ERI1: variants seen among roughly 807,000 people sequenced by gnomAD.
The protein encoded by ERI1 is 3'-5' exoribonuclease 1.
A neutral mutation model predicts 39.7 loss-of-function variants in ERI1; 39 were observed. That is an observed-to-expected ratio of 0.98 (90% CI 0.76 to 1.28). The LOEUF is 1.28. Among genes scored for constraint, ERI1 ranks in the 50% most tolerant of loss-of-function variants. The probability of loss-of-function intolerance (pLI) is 0.00; values close to 1 mark genes in which losing one functional copy is unlikely to be tolerated. For missense variants in ERI1, 581 were observed against 416.9 expected, an observed-to-expected ratio of 1.39 and a Z score of -3.43; for synonymous variants, 204 against 149.6, an observed-to-expected ratio of 1.36 and a Z score of -2.65.
intron 6 of ERI1, among the ~76,000 whole-genome samples, chr8:9,025,412 G>C (rs1423311142): frequency 1.3e-5 from 2 of 152,232 alleles, no homozygotes; most frequent in Non-Finnish European, 2.9e-5. Flanking sequence ...GACTTGTTCA[G>C]CTGATTCATG....
intron 5 of ERI1, among the ~76,000 whole-genome samples, chr8:9,019,679 A>G (rs1817679036): frequency 6.6e-6 from 1 of 152,182 alleles, no homozygotes; most frequent in Non-Finnish European, 1.5e-5. Context: ...GGGGACATAC[A>G]CTTATTTTTA....
rs1038881473 is a variant in ERI1, at chr8:9,008,468, G to C, written c.287+320G>C. Among the ~76,000 whole-genome samples the C allele has an allele frequency of 2.0e-5, 3 of 152,116 alleles. No homozygotes were observed. In the East Asian group the frequency reaches 5.8e-4, roughly 29 times the overall value. On this transcript the variant is annotated intron_variant, in intron 2 of 6. Transcript: ENST00000250263. ...AAATGATGGATAGTTATATTAGTGAGATAGAGTATTTTTTATTTTCTTTTT... is the reference window on the plus strand; with the variant it reads ...AAATGATGGATAGTTATATTAGTGACATAGAGTATTTTTTATTTTCTTTTT...
intron 3 of ERI1, among the ~76,000 whole-genome samples, chr8:9,045,639 A>C (rs542068857): frequency 1.3e-5 from 2 of 151,956 alleles, no homozygotes; most frequent in South Asian, 4.1e-4. Flanking sequence ...TTGTATTAAA[A>C]TATAAATAAA....
At chr8:9,049,210 C>T (rs1798273511) in intron 3 of ERI1, among the ~76,000 whole-genome samples, 1 of 151,214 alleles carries the variant, frequency 6.6e-6, no homozygotes. Flanking sequence ...GTGGCGGGAG[C>T]CTGTAATCCC....
intron 3 of ERI1, among the ~76,000 whole-genome samples, chr8:9,080,430 G>C (rs1274549165): frequency 2.0e-5 from 3 of 152,174 alleles, no homozygotes; most frequent in Non-Finnish European, 2.9e-5. Flanking sequence ...CTTGCAGCCT[G>C]GCAGTAAGAA....
intron 3 of ERI1, among the ~76,000 whole-genome samples, chr8:9,053,886 A>G (rs1455722701): frequency 6.6e-6 from 1 of 152,250 alleles, no homozygotes; most frequent in African/African-American, 2.4e-5. Flanking sequence ...CGTTCAAATC[A>G]TTGATAACAG....
At chr8:9,084,621 T>C (rs758827040) in intron 3 of ERI1, among the ~76,000 whole-genome samples, 1 of 152,158 alleles carries the variant, frequency 6.6e-6, no homozygotes, top group Non-Finnish European at 1.5e-5. Flanking sequence ...CGGGAGGGGT[T>C]GGGTGCATGC....
At position 9,003,259 on chromosome 8, in the gene ERI1, C is replaced by CTT. The variant is rs1815567746; in HGVS notation, c.108+88_108+89insTT. On this transcript the variant is annotated intron_variant, in intron 1 of 6. Transcript: ENST00000250263. Reference sequence around the variant, plus strand: ...CACCCCTTTCTTCTCAGGTGTCCCGCAGAAGGTGCAGCTGTGCGCCCTTGG... The same window carrying CTT: ...CACCCCTTTCTTCTCAGGTGTCCCGCTTAGAAGGTGCAGCTGTGCGCCCTTGG... 3 of 781,218 alleles carry CTT rather than the reference C, an allele frequency of 3.8e-6. No homozygotes were observed. In the East Asian group the frequency reaches 1.0e-4, roughly 26 times the overall value. The allele number at this position is 781,218 out of a possible 1,614,324, so 48.4% of individuals were successfully genotyped here.
intron 3 of ERI1, among the ~76,000 whole-genome samples, chr8:9,085,778 T>C (rs1799505329): frequency 6.6e-6 from 1 of 152,086 alleles, no homozygotes; most frequent in African/African-American, 2.4e-5. Flanking sequence ...CGCTAATTTA[T>C]AACAAAGTAT....
At chr8:9,098,939 T>C (rs1439012171) in intron 3 of ERI1, among the ~76,000 whole-genome samples, 1 of 152,106 alleles carries the variant, frequency 6.6e-6, no homozygotes, top group African/African-American at 2.4e-5. Flanking sequence ...GCTCAAATGA[T>C]TCTCCTGCCT....
rs1482773904 is a variant in ERI1 at position 9,031,714 on chromosome 8, T to G, written c.*1680T>G. On this transcript the variant is annotated 3_prime_UTR_variant, in exon 7 of 7. Coordinates refer to ENST00000250263, the MANE Select transcript of ERI1 (RefSeq NM_153332.4). ...AAGTACCAACAAGCTCATGTTGTATTTCTTTTTAAGAACTTCAACATTATA... is the reference window on the plus strand; with the variant it reads ...AAGTACCAACAAGCTCATGTTGTATGTCTTTTTAAGAACTTCAACATTATA... 9 of 152,216 alleles carry G rather than the reference T, an allele frequency of 5.9e-5. No homozygotes were observed. 9.4% of individuals were successfully genotyped at this position (152,216 alleles called of 1,614,324 possible).
chr8:9,010,004 G>T (rs1476797068), intron 2 of ERI1, among the ~76,000 whole-genome samples: 2 of 152,220 alleles, frequency 1.3e-5, no homozygotes, highest in Admixed American at 1.3e-4. Flanking sequence ...GCAGAAAATT[G>T]GTGTTAGTGC....
At chr8:9,079,330 A>C (rs556135109) in intron 3 of ERI1, among the ~76,000 whole-genome samples, 1 of 152,288 alleles carries the variant, frequency 6.6e-6, no homozygotes, top group Admixed American at 6.5e-5. Context: ...TGAGCATTTG[A>C]TTCCGGAAAA....
chr8:9,009,252 T>C (rs1816412845), intron 2 of ERI1: 8 of 344,334 alleles, frequency 2.3e-5, no homozygotes, highest in South Asian at 1.8e-4. Flanking sequence ...TCTCAGTCTT[T>C]TGGGAAAACA....
At chr8:9,020,146 G>C (rs976790021) in intron 5 of ERI1, among the ~76,000 whole-genome samples, 12 of 152,156 alleles carry the variant, frequency 7.9e-5, no homozygotes, top group African/African-American at 2.7e-4. Flanking sequence ...GTGAACAAAA[G>C]TTAATATATC....
chr8:9,070,026 G>A (rs1798998461), intron 3 of ERI1, among the ~76,000 whole-genome samples: 1 of 151,914 alleles, frequency 6.6e-6, no homozygotes, highest in Admixed American at 6.6e-5. Context: ...ATCACCTGAG[G>A]TCAGGAGTTT....
downstream of ERI1, among the ~76,000 whole-genome samples, chr8:9,034,258 T>C (rs1797765309): frequency 6.6e-6 from 1 of 152,256 alleles, no homozygotes; most frequent in South Asian, 2.1e-4. Flanking sequence ...TTCATTAGAT[T>C]TGTTTTAGGA....
chr8:9,005,282 A>G (rs1815861340), intron 1 of ERI1, among the ~76,000 whole-genome samples: 1 of 152,158 alleles, frequency 6.6e-6, no homozygotes, highest in Non-Finnish European at 1.5e-5. Context: ...CATGTTTTCA[A>G]AATGTTCTCT....
At chr8:9,086,433 C>G (rs1171963665) in intron 3 of ERI1, among the ~76,000 whole-genome samples, 1 of 151,970 alleles carries the variant, frequency 6.6e-6, no homozygotes, top group Non-Finnish European at 1.5e-5. Context: ...ACATGTAGTC[C>G]CAGCTACTCT....
Sources: gnomAD v4.1 joint callset for allele counts (sites outside exome capture counted in the v4.1 genomes callset) on GRCh38, gnomAD v4.1.1 for gene constraint, MANE v1.5 for transcripts, NCBI Gene and HGNC (gene_info 2026-07-23, HGNC 2026-07-21) for gene names.